PDCD2L: variants seen among roughly 807,000 people sequenced by gnomAD.
PDCD2L encodes programmed cell death 2 like.
A neutral mutation model predicts 40.4 loss-of-function variants in PDCD2L; 44 were observed. The ratio of observed to expected loss-of-function variants is 1.09; its 90% CI spans 0.86 to 1.40. The LOEUF (loss-of-function observed/expected upper bound fraction) is 1.40, where lower values mean the gene tolerates loss of function less well. Ranked by LOEUF, PDCD2L falls within the 40% of genes most tolerant of loss-of-function variation. The pLI is 0.00. For synonymous variants in PDCD2L, 194 were observed against 174.6 expected, an observed-to-expected ratio of 1.11 and a Z score of -0.88; for missense variants, 470 against 453.7, an observed-to-expected ratio of 1.04 and a Z score of -0.33.
At chr19:34,423,010 G>A (rs972428878) in intron 6 of PDCD2L, among the ~76,000 whole-genome samples, 4 of 151,996 alleles carry the variant, frequency 2.6e-5, no homozygotes, top group Admixed American at 6.6e-5. Context: ...GAGCTGCCAC[G>A]CCTGGCCTGG....
At position 34,409,236 on chromosome 19, in the gene PDCD2L, C is replaced by T; in HGVS notation, c.412C>T (p.Pro138Ser). ...DDWGSDTEEG[P>S]SPQFTLDFGN... ...CTGGGGAAGTGATACTGAGGAGGGGCCTTCACCACAGTTTACCTTGGATTT... is the reference window on the plus strand; with the variant it reads ...CTGGGGAAGTGATACTGAGGAGGGGTCTTCACCACAGTTTACCTTGGATTT... The change falls in exon 4 of 7, where the codon CCT (proline) becomes TCT (serine). Residue 138 changes from proline to serine, a missense_variant. By Grantham distance (74) the Pro-to-Ser change is moderately conservative (BLOSUM62 -1). Transcript: ENST00000246535. 1 of 1,614,134 alleles carries T rather than the reference C, an allele frequency of 6.2e-7. No individual in the cohort carries two copies. Among genetic ancestry groups the T allele is most frequent in the South Asian group, 1.1e-5 (1 of 91,070 alleles).
At chr19:34,419,630 C>T (rs1287031407) in intron 5 of PDCD2L, among the ~76,000 whole-genome samples, 1 of 151,848 alleles carries the variant, frequency 6.6e-6, no homozygotes, top group African/African-American at 2.4e-5. Flanking sequence ...GCATCTGTCA[C>T]CACACCTGAC....
rs1377033158 is a variant in PDCD2L, at chr19:34,404,653, C to T, written c.113C>T (p.Ala38Val). 1 of 1,610,600 alleles carries T rather than the reference C, an allele frequency of 6.2e-7. No homozygotes were observed. Among genetic ancestry groups the T allele is most frequent in the Non-Finnish European group, 8.5e-7 (1 of 1,179,542 alleles). The change falls in exon 2 of 7, where the codon GCT becomes GTT. Residue 38 changes from alanine to valine, a missense_variant. Transcript: ENST00000246535. ...GCGCCTCCTCTGTCCCCTCAGGATG[C>T]TCTGCCCACCGTGGCTGCGCCCAGG... ...TASKLGGIPD[A>V]LPTVAAPRPV...
chr19:34,406,826 CTTTTTTTTTTTTT>C (rs35175132), intron 3 of PDCD2L, among the ~76,000 whole-genome samples: 2 of 102,246 alleles, frequency 2.0e-5, no homozygotes, highest in African/African-American at 4.3e-5. Flanking sequence ...TTCTTTCTTC[CTTTTTTTTTTTTT>C]TTTTTTTTTT....
At chr19:34,412,004 T>C (rs2075106222) in intron 4 of PDCD2L, among the ~76,000 whole-genome samples, 1 of 145,670 alleles carries the variant, frequency 6.9e-6, no homozygotes, top group Non-Finnish European at 1.5e-5. Flanking sequence ...ATAAAATATA[T>C]ATATTAAAAA....
At chr19:34,412,380 G>A (rs1199894660) in intron 4 of PDCD2L, among the ~76,000 whole-genome samples, 1 of 152,058 alleles carries the variant, frequency 6.6e-6, no homozygotes, top group East Asian at 1.9e-4. Context: ...GGTTGGGCAG[G>A]GAACTGCAGA....
In PDCD2L at chr19:34,404,601, G is replaced by A. The variant is rs757020984; in HGVS notation, c.109-48G>A. 1.9e-6 allele frequency: 3 copies of A among 1,595,726 alleles called. No individual in the cohort carries two copies. In the East Asian group the frequency reaches 6.8e-5, roughly 36 times the overall value. On this transcript the variant is annotated intron_variant, in intron 1 of 6. Coordinates refer to ENST00000246535, the MANE Select transcript of PDCD2L (RefSeq NM_032346.2). ...GCTGAAGGGTGCGGAGGGAGTGGGC[G>A]AGGTCCTGGGGGGAGTCGGGGTCTG...
chr19:34,425,641 A>C (rs2075173676), intron 6 of PDCD2L, among the ~76,000 whole-genome samples: 1 of 152,130 alleles, frequency 6.6e-6, no homozygotes, highest in African/African-American at 2.4e-5. Flanking sequence ...TGCAGGGATC[A>C]CAGTTGTGAG....
Position 34,409,454 on chromosome 19 carries a change from T to C in PDCD2L, c.630T>C (p.Leu210=). Residue 210 remains leucine (L), a synonymous_variant, in exon 4 of 7, where the codon CTT becomes CTC. Coordinates refer to ENST00000246535, the MANE Select transcript of PDCD2L (RefSeq NM_032346.2). ...TCAACCTGGATCATGCCCACAGCCT[T>C]CTGAGGGACTATCAGCAGAGAGAAG... ...DFVNLDHAHS[L]LRDYQQREGI... is the part of the protein sequence containing the mutation. 1.2e-6 allele frequency: 2 copies of C among 1,614,152 alleles called. No homozygotes were observed. The highest frequency in any genetic ancestry group is 2.2e-5 in the East Asian group (1 of 44,892).
Position 34,404,402 on chromosome 19 carries a change from T to TAA in PDCD2L, c.-29_-28insAA. ...GCGTGCGCAGAGAGGCCGCCGTAGT[T>TAA]TGCGTTTTCACCTGGTCGCCCGGCG... On this transcript the variant is annotated 5_prime_UTR_variant, in exon 1 of 7. In the 5' UTR this introduces an upstream ATG that the reference lacks. Transcript: ENST00000246535. 1.3e-6 allele frequency: 2 copies of TAA among 1,530,600 alleles called. No homozygotes were observed. The highest frequency in any genetic ancestry group is 1.8e-6 in the Non-Finnish European group (2 of 1,137,872). 94.8% of individuals were successfully genotyped at this position (1,530,600 alleles called of 1,614,324 possible).
chr19:34,411,989 A>AT (rs1392822943), intron 4 of PDCD2L, among the ~76,000 whole-genome samples: 2 of 120,978 alleles, frequency 1.7e-5, no homozygotes, highest in African/African-American at 5.6e-5. Context: ...TATATAAAAT[A>AT]AATAATAAAA....
intron 5 of PDCD2L, among the ~76,000 whole-genome samples, chr19:34,416,617 G>A (rs1164737058): frequency 6.6e-6 from 1 of 152,166 alleles, no homozygotes; most frequent in Non-Finnish European, 1.5e-5. Context: ...TTAGAGAGAG[G>A]AAAACAGGCC....
chr19:34,407,577 A>G (rs553011647), intron 3 of PDCD2L, among the ~76,000 whole-genome samples: 7 of 151,462 alleles, frequency 4.6e-5, no homozygotes, highest in Non-Finnish European at 1.0e-4. Context: ...AGTTCCATCC[A>G]TGTTGTCACA....
chr19:34,407,755 A>G (rs2075083574), intron 3 of PDCD2L, among the ~76,000 whole-genome samples: 1 of 152,228 alleles, frequency 6.6e-6, no homozygotes, highest in Admixed American at 6.5e-5. Flanking sequence ...GATAATGTAT[A>G]CGTGTCTTTA....
chr19:34,414,479 T>A (rs1191295492), intron 5 of PDCD2L, among the ~76,000 whole-genome samples: 5 of 136,194 alleles, frequency 3.7e-5, no homozygotes, highest in Non-Finnish European at 4.7e-5. Context: ...CCTGGCTTTT[T>A]TTTTTTTTTT....
chr19:34,425,428 G>C (rs990590271), intron 6 of PDCD2L, among the ~76,000 whole-genome samples: 1 of 150,220 alleles, frequency 6.7e-6, no homozygotes, highest in South Asian at 2.1e-4. Flanking sequence ...AGTCTCCTCT[G>C]AGTAGCTGGG....
At position 34,405,972 on chromosome 19, in the gene PDCD2L, C is replaced by G. The variant is rs537988606; in HGVS notation, c.336+982C>G. The stretch of plus-strand genomic sequence containing the variant: ...TCTGGGCAACATAGCAAAACATCGT[C>G]TCTATAAAAAGTAAACAAATTAGCC... On this transcript the variant is annotated intron_variant, in intron 3 of 6. Coordinates refer to ENST00000246535, the MANE Select transcript of PDCD2L (RefSeq NM_032346.2). 9.2e-5 allele frequency among the ~76,000 whole-genome samples: 14 copies of G among 152,138 alleles called. No individual in the cohort carries two copies. In the South Asian group the frequency reaches 2.9e-3, roughly 32 times the overall value.
chr19:34,426,117 G>T lies in PDCD2L; in HGVS notation c.1074G>T (p.Lys358Asn), dbSNP rs181264335. 69 of 1,554,102 alleles carry T rather than the reference G, an allele frequency of 4.4e-5. No individual in the cohort carries two copies. In the Middle Eastern group the frequency reaches 1.0e-3, roughly 23 times the overall value. The change falls in exon 7 of 7, where the codon AAG becomes AAT. Residue 358 changes from lysine (K) to asparagine (N), a missense_variant. Coordinates refer to ENST00000246535, the MANE Select transcript of PDCD2L (RefSeq NM_032346.2). ...IQEDPDELLF[K>N] ...AAGACCCAGATGAATTATTGTTTAA[G>T]TAGAGCATTTCCTTTTATTAATATA...
At chr19:34,405,073 C>T (rs2075067694) in intron 3 of PDCD2L, 83 bp downstream of exon 3, 4 of 1,477,806 alleles carry the variant, frequency 2.7e-6, no homozygotes, top group East Asian at 2.4e-5. Flanking sequence ...GACTTTAAAG[C>T]CGTGTTCTTT....
Sources: allele counts gnomAD v4.1 joint callset (sites outside exome capture counted in the v4.1 genomes callset), GRCh38; gene constraint gnomAD v4.1.1; transcripts MANE v1.5; gene names NCBI Gene and HGNC (gene_info 2026-07-23, HGNC 2026-07-21).